PRDM5: variants seen among roughly 807,000 people sequenced by gnomAD.
The protein encoded by PRDM5 is PR/SET domain 5, also known as PR domain zinc finger protein 5.
Under a neutral mutation model 81.2 loss-of-function variants are expected in PRDM5, and 56 were observed. The ratio of observed to expected loss-of-function variants is 0.69; its 90% CI spans 0.56 to 0.86. The LOEUF is 0.86. PRDM5 is among the 40% of genes least tolerant of loss of function. The pLI is 0.00. For synonymous variants in PRDM5, 267 were observed against 256.4 expected (o/e 1.04, Z -0.39); for missense variants, 697 against 770.1 (o/e 0.91, Z 1.12).
At chr4:120,844,092 C>T (rs343174) in intron 3 of PRDM5, among the ~76,000 whole-genome samples, 2 of 152,224 alleles carry the variant, frequency 1.3e-5, no homozygotes, top group East Asian at 1.9e-4. Context: ...TCACTCCACA[C>T]AGCAGGTTGT....
chr4:120,780,535 T>G (rs1748888469), intron 12 of PRDM5, among the ~76,000 whole-genome samples: 1 of 152,150 alleles, frequency 6.6e-6, no homozygotes, highest in African/African-American at 2.4e-5. Flanking sequence ...TAAAACGCAT[T>G]ATTGAGCACG....
intron 2 of PRDM5, among the ~76,000 whole-genome samples, chr4:120,863,138 A>T (rs1418825245): frequency 2.9e-5 from 4 of 138,398 alleles, no homozygotes; most frequent in Non-Finnish European, 6.1e-5. Context: ...AGCCTGGGTG[A>T]CAGAGCAAGA....
rs1418414944 is a variant in PRDM5, at chr4:120,693,701, T to G, written c.*1410A>C. The G allele has an allele frequency of 6.6e-6, 1 of 152,188 alleles. No individual in the cohort carries two copies. The highest frequency in any genetic ancestry group is 1.5e-5 in the Non-Finnish European group (1 of 68,024). 9.4% of individuals were successfully genotyped at this position (152,188 alleles called of 1,614,324 possible). Reference sequence around the variant, plus strand: ...TGAAGTCAAAGAACTGTGTCTCAGATAACCTTTCTCCTTAACTCATTAGAA... The same window carrying G: ...TGAAGTCAAAGAACTGTGTCTCAGAGAACCTTTCTCCTTAACTCATTAGAA... On this transcript the variant is annotated 3_prime_UTR_variant, in exon 16 of 16. Coordinates refer to ENST00000264808, the MANE Select transcript of PRDM5 (RefSeq NM_018699.4).
At chr4:120,774,018 A>G (rs1278897315) in intron 13 of PRDM5, among the ~76,000 whole-genome samples, 1 of 152,242 alleles carries the variant, frequency 6.6e-6, no homozygotes, top group Non-Finnish European at 1.5e-5. Flanking sequence ...TAACAAGTAA[A>G]CATTTTTAAA....
At chr4:120,863,175 A>AAAAAATAT (rs1553997140) in intron 2 of PRDM5, among the ~76,000 whole-genome samples, 3 of 60,668 alleles carry the variant, frequency 4.9e-5, no homozygotes, top group African/African-American at 1.9e-4. Flanking sequence ...AAAAAAAAAA[A>AAAAAATAT]ATATATATAT....
intron 4 of PRDM5, among the ~76,000 whole-genome samples, chr4:120,820,914 G>A (rs527864155): frequency 2.4e-4 from 36 of 152,324 alleles, no homozygotes; most frequent in Non-Finnish European, 4.0e-4. Context: ...AGTGAGAGCC[G>A]GGAGCTGCCC....
chr4:120,877,374 T>C (rs146119334), intron 2 of PRDM5, among the ~76,000 whole-genome samples: 114 of 152,354 alleles, frequency 7.5e-4, no homozygotes, highest in African/African-American at 2.5e-3. Flanking sequence ...TTATTTAGCC[T>C]AGCAGTTATT....
In PRDM5 at chr4:120,747,275, G is replaced by C. The variant is rs1245587054; in HGVS notation, c.1623+7278C>G. Among the ~76,000 whole-genome samples the C allele has an allele frequency of 6.2e-5, 8 of 128,220 alleles. No homozygotes were observed. In the East Asian group the frequency reaches 1.7e-3, roughly 27 times the overall value. The allele number at this position is 128,220 out of a possible 152,430, so 84.1% of individuals were successfully genotyped here. ...CAGGAAGGGGAACATCACACTCTGG[G>C]GACTGTTGTGGGGTGGGGGGAGGGG... On this transcript the variant is annotated intron_variant, in intron 14 of 15. Coordinates refer to ENST00000264808, the MANE Select transcript of PRDM5 (RefSeq NM_018699.4).
At chr4:120,893,125 G>GC (rs1243080879) in intron 2 of PRDM5, among the ~76,000 whole-genome samples, 1 of 152,210 alleles carries the variant, frequency 6.6e-6, no homozygotes, top group Non-Finnish European at 1.5e-5. Context: ...ACGGCTCTCT[G>GC]CCTCAGTCCA....
chr4:120,709,489 G>A (rs1481783015), intron 15 of PRDM5, among the ~76,000 whole-genome samples: 1 of 152,160 alleles, frequency 6.6e-6, no homozygotes, highest in African/African-American at 2.4e-5. Context: ...AAAACATCTT[G>A]TGTTTGTGAG....
intron 14 of PRDM5, among the ~76,000 whole-genome samples, chr4:120,746,741 C>G (rs1394868160): frequency 1.4e-5 from 2 of 146,552 alleles, no homozygotes; most frequent in African/African-American, 5.1e-5. Context: ...GAGATACCAT[C>G]TCACACCAGT....
chr4:120,905,820 A>C (rs894421186), intron 2 of PRDM5, among the ~76,000 whole-genome samples: 2 of 152,106 alleles, frequency 1.3e-5, no homozygotes, highest in Admixed American at 1.3e-4. Context: ...TACCTCCTAC[A>C]TGTATCTCAG....
rs528366154 is a variant in PRDM5, at chr4:120,764,125, G to T, written c.1538-9487C>A. 2.0e-5 allele frequency among the ~76,000 whole-genome samples: 3 copies of T among 151,908 alleles called. No individual in the cohort carries two copies. The East Asian group carries it at 5.8e-4, about 30-fold the overall frequency. On this transcript the variant is annotated intron_variant, in intron 13 of 15. Transcript: ENST00000264808. The stretch of plus-strand genomic sequence containing the variant: ...TGTTGGTGATGCAAGTTTAATAGAG[G>T]TATGCTATTATCTAATAATTTACCA...
chr4:120,816,306 A>G, intron 7 of PRDM5, 147 bp downstream of exon 7: 1 of 1,293,674 alleles, frequency 7.7e-7, no homozygotes, highest in Non-Finnish European at 1.1e-6. Flanking sequence ...GTTCAGTGAA[A>G]GAAAAAAATC....
At chr4:120,742,465 A>G (rs535767312) in intron 14 of PRDM5, among the ~76,000 whole-genome samples, 118 of 152,362 alleles carry the variant, frequency 7.7e-4, no homozygotes, top group African/African-American at 2.7e-3. Flanking sequence ...AAGGCTTCAG[A>G]TGATCAAATT....
rs1012792242 is a variant in PRDM5 at position 120,754,433 on chromosome 4, AATATAG to A, written c.1623+114_1623+119del. The A allele has an allele frequency of 1.2e-4, 78 of 639,786 alleles. 1 individual carries two copies. The South Asian group carries it at 1.6e-3, about 13-fold the overall frequency. The allele number at this position is 639,786 out of a possible 1,614,324, so 39.6% of individuals were successfully genotyped here. A position where few individuals can be genotyped will look rare whatever the true frequency, so the allele number is the denominator to read the frequency against. ...AAATTATCCTGAAATATCTGTCATA[AATATAG>A]ATATACAACTTCCAGTGTATTGCCT... On this transcript the variant is annotated intron_variant, in intron 14 of 15. Coordinates refer to ENST00000264808, the MANE Select transcript of PRDM5 (RefSeq NM_018699.4).
At chr4:120,779,126 T>C (rs998608822) in intron 12 of PRDM5, among the ~76,000 whole-genome samples, 2 of 152,120 alleles carry the variant, frequency 1.3e-5, no homozygotes, top group African/African-American at 4.8e-5. Context: ...ACTGAAGAAG[T>C]TCCAAACTAA....
intron 7 of PRDM5, among the ~76,000 whole-genome samples, chr4:120,813,350 C>G (rs1425274014): frequency 6.6e-6 from 1 of 152,128 alleles, no homozygotes; most frequent in Admixed American, 6.6e-5. Context: ...TATCCATCAC[C>G]TGGCCCCAAC....
intron 13 of PRDM5, among the ~76,000 whole-genome samples, chr4:120,770,843 A>C (rs772428603): frequency 3.9e-5 from 6 of 152,184 alleles, no homozygotes; most frequent in Non-Finnish European, 8.8e-5. Flanking sequence ...TATTTGTATT[A>C]TTCAAGAGAA....
Sources: gnomAD v4.1 joint callset for allele counts (sites outside exome capture counted in the v4.1 genomes callset) on GRCh38, gnomAD v4.1.1 for gene constraint, MANE v1.5 for transcripts, NCBI Gene and HGNC (gene_info 2026-07-23, HGNC 2026-07-21) for gene names.